Variants in PLD5 observed in about 807,000 individuals in gnomAD.
PLD5 encodes phospholipase D family member 5, also known as inactive phospholipase D5.
A neutral mutation model predicts 61.1 loss-of-function variants in PLD5; 36 were observed. The observed-to-expected ratio is 0.59, with a 90% CI of 0.45 to 0.78. The LOEUF (loss-of-function observed/expected upper bound fraction) is 0.78. Ranked by LOEUF, PLD5 falls within the 30% of genes least tolerant of loss-of-function variation. The pLI is 0.00. For synonymous variants in PLD5, 243 were observed against 242.8 expected, an observed-to-expected ratio of 1.00 and a Z score of -0.01; for missense variants, 515 against 644.4, an observed-to-expected ratio of 0.80 and a Z score of 2.17.
intron 2 of PLD5, among the ~76,000 whole-genome samples, chr1:242,337,465 T>C (rs1427901966): frequency 1.3e-5 from 2 of 152,006 alleles, no homozygotes; most frequent in African/African-American, 4.8e-5. Flanking sequence ...ACCCCGTCTC[T>C]ACTAAAAATA....
At chr1:242,149,730 T>A (rs559006299) in intron 5 of PLD5, among the ~76,000 whole-genome samples, 23 of 151,736 alleles carry the variant, frequency 1.5e-4, no homozygotes, top group Admixed American at 1.4e-3. Flanking sequence ...AAAAAATTTA[T>A]CTGTTTCATC....
intron 1 of PLD5, among the ~76,000 whole-genome samples, chr1:242,474,658 A>G (rs1000495748): frequency 1.3e-5 from 2 of 152,204 alleles, no homozygotes; most frequent in Non-Finnish European, 2.9e-5. Context: ...AGCATGGCCT[A>G]CATCCTGACC....
intron 1 of PLD5, among the ~76,000 whole-genome samples, chr1:242,404,876 T>TA (rs1664143261): frequency 3.8e-5 from 2 of 52,874 alleles, no homozygotes; most frequent in East Asian, 8.1e-4. Context: ...TCCCTGCTAA[T>TA]TTTTTTTTTT....
At chr1:242,492,522 CAAAAAAAA>C (rs35988130) in intron 1 of PLD5, among the ~76,000 whole-genome samples, 1 of 122,438 alleles carries the variant, frequency 8.2e-6, no homozygotes, top group African/African-American at 3.0e-5. Flanking sequence ...AACTCCGTCT[CAAAAAAAA>C]AAAAAAGAAA....
chr1:242,281,964 G>A (rs1286085595), intron 3 of PLD5, among the ~76,000 whole-genome samples: 1 of 152,146 alleles, frequency 6.6e-6, no homozygotes, highest in Non-Finnish European at 1.5e-5. Flanking sequence ...TATCTACCCA[G>A]AGTCTCACGT....
chr1:242,266,224 T>C (rs1270119188), intron 3 of PLD5, among the ~76,000 whole-genome samples: 3 of 151,982 alleles, frequency 2.0e-5, no homozygotes, highest in Non-Finnish European at 4.4e-5. Context: ...CTACTAAAAA[T>C]AGAAAAATTA....
At chr1:242,339,780 T>G (rs1378889146) in intron 2 of PLD5, among the ~76,000 whole-genome samples, 1 of 152,178 alleles carries the variant, frequency 6.6e-6, no homozygotes, top group Admixed American at 6.5e-5. Flanking sequence ...TGGGGGATTC[T>G]GAGTTGGAAA....
chr1:242,226,682 C>T (rs181781125), intron 4 of PLD5, among the ~76,000 whole-genome samples: 30 of 152,236 alleles, frequency 2.0e-4, no homozygotes, highest in Admixed American at 7.2e-4. Flanking sequence ...AGGTTTTACC[C>T]GCTTCTTGGG....
At chr1:242,321,307 C>CTT (rs758441406) in intron 2 of PLD5, among the ~76,000 whole-genome samples, 55 of 150,186 alleles carry the variant, frequency 3.7e-4, no homozygotes, top group Non-Finnish European at 6.8e-4. Context: ...CTCTCTCTCT[C>CTT]TCTTTTTTTT....
In PLD5 at chr1:242,199,949, T is replaced by C. The variant is rs113930633; in HGVS notation, c.735+20039A>G. 3.4e-3 allele frequency among the ~76,000 whole-genome samples: 515 copies of C among 152,348 alleles called. 7 individuals are homozygous for C. The highest frequency in any genetic ancestry group is 0.011 in the African/African-American group (457 of 41,576). On this transcript the variant is annotated intron_variant, in intron 5 of 9. Transcript: ENST00000536534. ...ATGGACACTTAAGCAGATTCCATAT[T>C]CTGGCTATTATGAATACTGCTTGAG...
chr1:242,442,220 C>A (rs991314536), intron 1 of PLD5, among the ~76,000 whole-genome samples: 1 of 152,152 alleles, frequency 6.6e-6, no homozygotes, highest in African/African-American at 2.4e-5. Context: ...TACCAGAGTT[C>A]CTTAAAAAAT....
At chr1:242,171,452 G>T (rs1241510583) in intron 5 of PLD5, among the ~76,000 whole-genome samples, 8 of 152,140 alleles carry the variant, frequency 5.3e-5, no homozygotes, top group African/African-American at 7.2e-5. Flanking sequence ...AAATTGTAAA[G>T]ACCATCGACA....
At chr1:242,512,650 A>G (rs1668966522) in intron 1 of PLD5, among the ~76,000 whole-genome samples, 2 of 152,202 alleles carry the variant, frequency 1.3e-5, no homozygotes, top group African/African-American at 4.8e-5. Context: ...AACTCCCAAA[A>G]CAGTCTACCA....
chr1:242,502,960 C>T (rs578128836), intron 1 of PLD5, among the ~76,000 whole-genome samples: 4 of 152,242 alleles, frequency 2.6e-5, no homozygotes, highest in African/African-American at 9.6e-5. Flanking sequence ...ACTTGGGAGG[C>T]TGAGGCAGGA....
chr1:242,281,797 C>A (rs1674734684), intron 3 of PLD5, among the ~76,000 whole-genome samples: 2 of 152,102 alleles, frequency 1.3e-5, no homozygotes, highest in African/African-American at 4.8e-5. Flanking sequence ...GATAGAGCAG[C>A]TGCTTCTCAA....
chr1:242,188,479 G>T (rs1290072741), intron 5 of PLD5, among the ~76,000 whole-genome samples: 1 of 152,164 alleles, frequency 6.6e-6, no homozygotes, highest in Non-Finnish European at 1.5e-5. Context: ...TGAAGTGGAG[G>T]CACTGGTGTG....
At chr1:242,490,104 A>C (rs944049325) in intron 1 of PLD5, among the ~76,000 whole-genome samples, 12 of 152,208 alleles carry the variant, frequency 7.9e-5, no homozygotes, top group African/African-American at 2.9e-4. Context: ...CCACACAGGA[A>C]CTGTGATATC....
intron 4 of PLD5, among the ~76,000 whole-genome samples, chr1:242,253,209 G>A (rs532927616): frequency 6.9e-6 from 1 of 144,112 alleles, no homozygotes; most frequent in Admixed American, 7.2e-5. Flanking sequence ...ACAGCTCACT[G>A]CAGGGTGGAA....
chr1:242,282,402 T>C (rs1389400992), intron 3 of PLD5, among the ~76,000 whole-genome samples: 4 of 152,160 alleles, frequency 2.6e-5, no homozygotes, highest in African/African-American at 7.2e-5. Context: ...AACCACTGTG[T>C]AGAGGTAGGA....
Sources: gnomAD v4.1 joint callset for allele counts (sites outside exome capture counted in the v4.1 genomes callset) on GRCh38, gnomAD v4.1.1 for gene constraint, MANE v1.5 for transcripts, NCBI Gene and HGNC (gene_info 2026-07-23, HGNC 2026-07-21) for gene names.